ASPRV1: variants seen among roughly 807,000 people sequenced by gnomAD.
The protein encoded by ASPRV1 is retroviral-like aspartic protease 1.
In ASPRV1, 7 loss-of-function variants were observed where a neutral mutation model predicts 11.0. The observed-to-expected ratio is 0.64, with a 90% CI of 0.36 to 1.20. The LOEUF is 1.20. ASPRV1 is among the 50% of genes most tolerant of loss of function. The pLI, the probability that ASPRV1 is intolerant of heterozygous loss-of-function variation, is 0.02. For synonymous variants in ASPRV1, 136 were observed against 138.4 expected, an observed-to-expected ratio of 0.98 and a Z score of 0.12; for missense variants, 299 against 320.0, an observed-to-expected ratio of 0.93 and a Z score of 0.50.
the ASPRV1 span, among the ~76,000 whole-genome samples, chr2:70,084,574 T>C: frequency 6.6e-6 from 1 of 152,266 alleles, no homozygotes; most frequent in East Asian, 1.9e-4. Context: ...GGATTAAATG[T>C]GTATAAGCGG....
the ASPRV1 span, chr2:70,053,724 C>T: frequency 6.6e-6 from 1 of 150,478 alleles, no homozygotes; most frequent in Non-Finnish European, 1.5e-5. Flanking sequence ...GGCTTCAGCT[C>T]TCTTACCTGT....
the ASPRV1 span, among the ~76,000 whole-genome samples, chr2:70,035,467 A>G: frequency 1.3e-5 from 2 of 151,958 alleles, no homozygotes; most frequent in Non-Finnish European, 2.9e-5. Flanking sequence ...ACAGCTCAAC[A>G]TGCCTCAAGG....
chr2:69,999,805 C>T, the ASPRV1 span, among the ~76,000 whole-genome samples: 1 of 151,246 alleles, frequency 6.6e-6, no homozygotes, highest in African/African-American at 2.4e-5. Context: ...CCCCTTCCTA[C>T]AGTCCCAATC....
chr2:70,015,176 C>A, the ASPRV1 span, among the ~76,000 whole-genome samples: 1 of 152,120 alleles, frequency 6.6e-6, no homozygotes, highest in Non-Finnish European at 1.5e-5. Context: ...TTTAAGAACA[C>A]ACATAGAATG....
chr2:70,062,683 T>C, the ASPRV1 span, among the ~76,000 whole-genome samples: 3 of 152,058 alleles, frequency 2.0e-5, no homozygotes, highest in African/African-American at 7.2e-5. Context: ...TCCCGGCAAC[T>C]TGGGTGGCTG....
chr2:69,944,577 C>T, the ASPRV1 span, among the ~76,000 whole-genome samples: 2 of 152,244 alleles, frequency 1.3e-5, no homozygotes, highest in Non-Finnish European at 2.9e-5. Context: ...CTGAGCCCCA[C>T]ACTCCCTTGC....
At chr2:70,067,371 A>T in the ASPRV1 span, among the ~76,000 whole-genome samples, 1 of 152,234 alleles carries the variant, frequency 6.6e-6, no homozygotes, top group Non-Finnish European at 1.5e-5. Context: ...GGTTGTAAGC[A>T]ATTGGATAAT....
At chr2:69,992,780 G>A in the ASPRV1 span, among the ~76,000 whole-genome samples, 1 of 152,090 alleles carries the variant, frequency 6.6e-6, no homozygotes, top group Admixed American at 6.6e-5. Flanking sequence ...CTCCCCCTTT[G>A]GGAGAAATGG....
the ASPRV1 span, among the ~76,000 whole-genome samples, chr2:70,075,577 T>C: frequency 1.2e-4 from 18 of 152,280 alleles, no homozygotes; most frequent in Admixed American, 5.9e-4. Context: ...CCAGGCACAG[T>C]GGCTCACGCC....
chr2:70,073,851 C>G, the ASPRV1 span, among the ~76,000 whole-genome samples: 4 of 151,972 alleles, frequency 2.6e-5, no homozygotes, highest in Non-Finnish European at 4.4e-5. Flanking sequence ...TAAGAACTCA[C>G]AGCCAGGTGC....
At chr2:69,992,616 A>G in the ASPRV1 span, among the ~76,000 whole-genome samples, 1 of 152,208 alleles carries the variant, frequency 6.6e-6, no homozygotes, top group Non-Finnish European at 1.5e-5. Context: ...CACTGAAATA[A>G]TAATTCCTTT....
At chr2:70,075,375 A>G in the ASPRV1 span, 1 of 149,470 alleles carries the variant, frequency 6.7e-6, no homozygotes, top group Admixed American at 6.7e-5. Context: ...AAAAGCAAGC[A>G]TGAACTCAGG....
the ASPRV1 span, among the ~76,000 whole-genome samples, chr2:70,027,234 G>C: frequency 6.9e-6 from 1 of 144,364 alleles, no homozygotes. Context: ...ACTCAGCCTG[G>C]GCGACAGAGC....
At chr2:70,059,180 C>G in the ASPRV1 span, among the ~76,000 whole-genome samples, 1 of 151,830 alleles carries the variant, frequency 6.6e-6, no homozygotes, top group Non-Finnish European at 1.5e-5. Context: ...CGTGAGCCAC[C>G]GTGCCTGGCC....
At chr2:69,949,390 G>T in the ASPRV1 span, among the ~76,000 whole-genome samples, 2 of 152,162 alleles carry the variant, frequency 1.3e-5, no homozygotes, top group Non-Finnish European at 2.9e-5. Context: ...ATGGCCCCAA[G>T]CAGAGGTGAT....
the ASPRV1 span, among the ~76,000 whole-genome samples, chr2:69,951,301 G>GT: frequency 1.3e-5 from 2 of 151,648 alleles, no homozygotes; most frequent in African/African-American, 4.9e-5. Context: ...GCAGGTGCCT[G>GT]TAGTCCCAGC....
the ASPRV1 span, among the ~76,000 whole-genome samples, chr2:70,007,487 C>T: frequency 2.5e-4 from 38 of 151,716 alleles, no homozygotes; most frequent in Admixed American, 1.1e-3. Flanking sequence ...CATTGCACTC[C>T]GGCATGGGCA....
the ASPRV1 span, among the ~76,000 whole-genome samples, chr2:70,020,630 T>C: frequency 6.6e-6 from 1 of 152,078 alleles, no homozygotes; most frequent in Non-Finnish European, 1.5e-5. Context: ...TAATCCCAGC[T>C]ACTTGGGAGG....
the ASPRV1 span, chr2:70,056,604 C>CAAAAAAAAAAAAAA: frequency 4.6e-4 from 35 of 75,686 alleles, no homozygotes; most frequent in African/African-American, 2.8e-3. Flanking sequence ...GACTCCGTCT[C>CAAAAAAAAAAAAAA]AAAAAAAAAA....
Sources: gnomAD v4.1 joint callset for allele counts (sites outside exome capture counted in the v4.1 genomes callset) on GRCh38, gnomAD v4.1.1 for gene constraint, MANE v1.5 for transcripts, NCBI Gene and HGNC (gene_info 2026-07-23, HGNC 2026-07-21) for gene names.